CFAP58: variants seen among roughly 807,000 people sequenced by gnomAD.
CFAP58 encodes cilia- and flagella-associated protein 58.
A neutral mutation model predicts 119.5 loss-of-function variants in CFAP58; 88 were observed. The observed-to-expected ratio is 0.74, with a 90% CI of 0.62 to 0.88. CFAP58 has a LOEUF of 0.88. Ranked by LOEUF, CFAP58 falls within the 40% of genes least tolerant of loss-of-function variation. CFAP58 has a pLI of 0.00. For missense variants in CFAP58, 990 were observed against 1,021.2 expected (o/e 0.97, Z 0.42); for synonymous variants, 365 against 366.3 (o/e 1.00, Z 0.04).
chr10:104,382,407 C>T, intron 9 of CFAP58: 1 of 513,234 alleles, frequency 1.9e-6, no homozygotes, highest in Non-Finnish European at 3.5e-6. Flanking sequence ...AATTTCTCTC[C>T]ATTCCGAGGT....
At position 104,403,614 on chromosome 10, in the gene CFAP58, T is replaced by C. The variant is rs573957363; in HGVS notation, c.2040-115T>C. The C allele has an allele frequency of 7.5e-6, 4 of 535,322 alleles. No homozygotes were observed. The Admixed American group carries it at 1.1e-4, about 15-fold the overall frequency. 33.2% of individuals were successfully genotyped at this position (535,322 alleles called of 1,614,324 possible). A position where few individuals can be genotyped will look rare whatever the true frequency, so the allele number is the denominator to read the frequency against. On this transcript the variant is annotated intron_variant, in intron 13 of 17. Transcript: ENST00000369704. ...AGGCTGGTCCCTGTGTTCACAATAT[T>C]CTCCCTAACTCCAACTTTTTATATA... is the stretch of plus-strand genomic sequence containing the variant.
the CFAP58 span, among the ~76,000 whole-genome samples, chr10:104,342,827 G>C: frequency 7.1e-6 from 1 of 141,508 alleles, no homozygotes; most frequent in African/African-American, 2.6e-5. Context: ...CCTGGGTGAG[G>C]GAGTGAGACC....
At position 104,403,895 on chromosome 10, in the gene CFAP58, C is replaced by G. The variant is rs889593032; in HGVS notation, c.2151+55C>G. The G allele has an allele frequency of 2.7e-6, 3 of 1,129,560 alleles. No individual in the cohort carries two copies. The African/African-American group carries it at 4.7e-5, about 18-fold the overall frequency. The allele number at this position is 1,129,560 out of a possible 1,614,324, so 70.0% of individuals were successfully genotyped here. A position where few individuals can be genotyped will look rare whatever the true frequency, so the allele number is the denominator to read the frequency against. On this transcript the variant is annotated intron_variant, in intron 14 of 17. Coordinates refer to ENST00000369704, the MANE Select transcript of CFAP58 (RefSeq NM_001008723.2). ...CCCAAATCTCTCCTCCTATCCCACGCGAAGCTTCTAACCTAAAGCACAATG... is the reference window on the plus strand; with the variant it reads ...CCCAAATCTCTCCTCCTATCCCACGGGAAGCTTCTAACCTAAAGCACAATG...
intron 15 of CFAP58, among the ~76,000 whole-genome samples, chr10:104,407,212 G>T (rs1432280119): frequency 2.6e-5 from 4 of 152,226 alleles, no homozygotes; most frequent in East Asian, 1.9e-4. Context: ...TGGAAGAAGA[G>T]ATTTCTTTTT....
At chr10:104,339,099 T>C in the CFAP58 span, among the ~76,000 whole-genome samples, 1 of 151,832 alleles carries the variant, frequency 6.6e-6, no homozygotes, top group East Asian at 1.9e-4. Flanking sequence ...GTAGAGAAGG[T>C]GTTTCTCCAT....
chr10:104,408,744 C>T (rs1378396119), intron 15 of CFAP58, among the ~76,000 whole-genome samples: 2 of 152,118 alleles, frequency 1.3e-5, no homozygotes, highest in Admixed American at 1.3e-4. Context: ...TAATGCTCAG[C>T]TCATCAATGT....
chr10:104,351,874 G>A (rs1400555701), upstream of CFAP58: 1 of 152,110 alleles, frequency 6.6e-6, no homozygotes, highest in East Asian at 1.9e-4. Context: ...AAGACATAAA[G>A]GCAGAGTTTC....
chr10:104,434,803 T>G lies in CFAP58; in HGVS notation c.2257-12895T>G, dbSNP rs537189494. On this transcript the variant is annotated intron_variant, in intron 15 of 17. Transcript: ENST00000369704. ...GAATTGCTCTTATCACAACATCCTG[T>G]TGAGTCACTTGTCTGCCTCTCCCAT... 5.1e-4 allele frequency among the ~76,000 whole-genome samples: 77 copies of G among 152,364 alleles called. No homozygotes were observed. The South Asian group carries it at 0.016, about 31-fold the overall frequency.
chr10:104,370,841 T>C lies in CFAP58; in HGVS notation c.931-54T>C, dbSNP rs1185831206. The C allele has an allele frequency of 1.1e-5, 17 of 1,519,988 alleles. No homozygotes were observed. In the South Asian group the frequency reaches 1.6e-4, roughly 14 times the overall value. 94.2% of individuals were successfully genotyped at this position (1,519,988 alleles called of 1,614,324 possible). A position where few individuals can be genotyped will look rare whatever the true frequency, so the allele number is the denominator to read the frequency against. ...TGGTTCTGAGTTTACCATCATCCAG[T>C]TCCTGGCTCTTCATTTACAAAGTGA... On this transcript the variant is annotated intron_variant, in intron 6 of 17. Coordinates refer to ENST00000369704, the MANE Select transcript of CFAP58 (RefSeq NM_001008723.2).
intron 17 of CFAP58, among the ~76,000 whole-genome samples, chr10:104,451,195 A>G (rs936799695): frequency 1.3e-5 from 2 of 152,172 alleles, no homozygotes; most frequent in African/African-American, 2.4e-5. Flanking sequence ...ACTTATCCAC[A>G]TGGACATTTC....
Position 104,454,640 on chromosome 10 carries a change from G to A in CFAP58, c.*110G>A. 2.6e-6 allele frequency: 2 copies of A among 775,168 alleles called. No individual in the cohort carries two copies. 48.0% of individuals were successfully genotyped at this position (775,168 alleles called of 1,614,324 possible). A position where few individuals can be genotyped will look rare whatever the true frequency, so the allele number is the denominator to read the frequency against. On this transcript the variant is annotated 3_prime_UTR_variant, in exon 18 of 18. Transcript: ENST00000369704. ...ATAGAACTGAGTGCTGAGAATCCAGGATGGAAAGAAATGCAGAACTATCAT... is the reference window on the plus strand; with the variant it reads ...ATAGAACTGAGTGCTGAGAATCCAGAATGGAAAGAAATGCAGAACTATCAT...
chr10:104,399,581 C>T, intron 12 of CFAP58, 81 bp downstream of exon 12: 1 of 1,439,048 alleles, frequency 6.9e-7, no homozygotes, highest in East Asian at 2.4e-5. Flanking sequence ...CTTCCTTCCT[C>T]TCTAAGCTCT....
intron 13 of CFAP58, 39 bp from the exon 14 acceptor site, chr10:104,403,690 G>A (rs962689219): frequency 2.2e-6 from 3 of 1,366,798 alleles, no homozygotes; most frequent in African/African-American, 1.4e-5. Context: ...ATTCAAACGG[G>A]TGGATAATTC....
chr10:104,339,723 A>G, the CFAP58 span, among the ~76,000 whole-genome samples: 1 of 152,200 alleles, frequency 6.6e-6, no homozygotes, highest in African/African-American at 2.4e-5. Context: ...TTTGTTTTCA[A>G]GTTTCTACTG....
chr10:104,449,421 G>A (rs771617193), intron 16 of CFAP58, among the ~76,000 whole-genome samples: 2 of 152,044 alleles, frequency 1.3e-5, no homozygotes, highest in South Asian at 2.1e-4. Context: ...TTTGGCATGC[G>A]CTATGTCCTA....
chr10:104,422,950 A>T (rs186248546), intron 15 of CFAP58, among the ~76,000 whole-genome samples: 106 of 152,304 alleles, frequency 7.0e-4, no homozygotes, highest in African/African-American at 2.5e-3. Flanking sequence ...TTTAATCATC[A>T]AGTGGTACAA....
intron 12 of CFAP58, among the ~76,000 whole-genome samples, chr10:104,400,006 G>A (rs2012233698): frequency 6.6e-6 from 1 of 152,152 alleles, no homozygotes. Flanking sequence ...AAGTTGGTCA[G>A]TGCAAGACAG....
chr10:104,372,150 C>A (rs368313592), intron 7 of CFAP58, among the ~76,000 whole-genome samples: 1 of 152,046 alleles, frequency 6.6e-6, no homozygotes, highest in African/African-American at 2.4e-5. Context: ...GTCAGGAGTT[C>A]GAGATCAGCC....
chr10:104,438,153 T>G (rs1003216400), intron 15 of CFAP58, among the ~76,000 whole-genome samples: 1 of 152,134 alleles, frequency 6.6e-6, no homozygotes, highest in Non-Finnish European at 1.5e-5. Context: ...TCTGTATTAG[T>G]TATCTATTGC....
Sources: allele counts gnomAD v4.1 joint callset (sites outside exome capture counted in the v4.1 genomes callset), GRCh38; gene constraint gnomAD v4.1.1; transcripts MANE v1.5; gene names NCBI Gene and HGNC (gene_info 2026-07-23, HGNC 2026-07-21).